Variants in PTPRR observed in about 807,000 individuals in gnomAD.
PTPRR encodes the protein receptor-type tyrosine-protein phosphatase R.
In PTPRR, 38 loss-of-function variants were observed where a neutral mutation model predicts 77.2. The observed-to-expected ratio is 0.49, with a 90% CI of 0.38 to 0.65. The LOEUF is 0.65. Ranked by LOEUF, PTPRR falls within the 30% of genes least tolerant of loss-of-function variation. The pLI is 0.00. For missense variants in PTPRR, 744 were observed against 799.2 expected (o/e 0.93, Z 0.83); for synonymous variants, 299 against 283.1 (o/e 1.06, Z -0.57).
chr12:70,753,361 A>G (rs1890463466), intron 5 of PTPRR, among the ~76,000 whole-genome samples: 1 of 152,188 alleles, frequency 6.6e-6, no homozygotes, highest in African/African-American at 2.4e-5. Flanking sequence ...ACTAAGGAAG[A>G]AGTATTTATT....
intron 2 of PTPRR, among the ~76,000 whole-genome samples, chr12:70,800,791 A>ATCCT (rs1891601121): frequency 2.6e-5 from 4 of 152,066 alleles, no homozygotes; most frequent in African/African-American, 9.6e-5. Context: ...GCTATTCAGG[A>ATCCT]GGCTGAGGCA....
chr12:70,920,375 A>C lies in PTPRR; in HGVS notation c.16T>G (p.Cys6Gly), dbSNP rs772468097. Residue 6 changes from cysteine (C) to glycine (G), a missense_variant, in exon 1 of 14, where the codon TGC (cysteine) becomes GGC (glycine). By Grantham distance (159) the Cys-to-Gly change is radical. Coordinates refer to ENST00000283228, the MANE Select transcript of PTPRR (RefSeq NM_002849.4). MRRAV[C>G]FPALCLLLNL... is the part of the protein sequence containing the mutation. Reference sequence around the variant, plus strand: ...AGGAGCAGGCACAGCGCAGGGAAGCAGACTGCTCTCCGCATAGTGTTTGCA... The same window carrying C: ...AGGAGCAGGCACAGCGCAGGGAAGCCGACTGCTCTCCGCATAGTGTTTGCA... The C allele has an allele frequency of 9.3e-6, 15 of 1,613,756 alleles. No individual in the cohort carries two copies. Among genetic ancestry groups the C allele is most frequent in the Non-Finnish European group, 1.3e-5 (15 of 1,179,904 alleles).
intron 1 of PTPRR, among the ~76,000 whole-genome samples, chr12:70,895,039 C>T (rs1011154750): frequency 2.0e-5 from 3 of 151,560 alleles, no homozygotes; most frequent in Non-Finnish European, 4.4e-5. Context: ...TGGAATAAAG[C>T]ACTTGGGCTA....
At position 70,684,229 on chromosome 12, in the gene PTPRR, C is replaced by T. The variant is rs565130853; in HGVS notation, c.1395G>A (p.Thr465=). The change falls in exon 10 of 14, where the codon ACG becomes ACA. Residue 465 remains threonine, a synonymous_variant. Transcript: ENST00000283228. The part of the protein sequence containing the change: ...YSGKEKAFIA[T]QGPMINTVDD... ...CCACGGTGTTGATCATGGGGCCCTG[C>T]GTGGCAATGAAGGCTTTCTCCTTGC... The T allele has an allele frequency of 1.7e-5, 28 of 1,613,810 alleles. No homozygotes were observed. The highest frequency in any genetic ancestry group is 1.6e-4 in the African/African-American group (12 of 74,998).
At chr12:70,727,372 A>G (rs74101572) in intron 6 of PTPRR, among the ~76,000 whole-genome samples, 2,269 of 152,296 alleles carry the variant, frequency 0.015, 55 homozygotes, top group African/African-American at 0.052. Flanking sequence ...GACCTTAATT[A>G]TAAAGATAAG....
chr12:70,824,867 A>G (rs1892082218), intron 2 of PTPRR, among the ~76,000 whole-genome samples: 1 of 152,252 alleles, frequency 6.6e-6, no homozygotes, highest in Admixed American at 6.5e-5. Flanking sequence ...ATTAACAATC[A>G]TGAACATCTT....
At chr12:70,719,035 A>G (rs1216008495) in intron 6 of PTPRR, among the ~76,000 whole-genome samples, 3 of 152,212 alleles carry the variant, frequency 2.0e-5, no homozygotes, top group East Asian at 1.9e-4. Flanking sequence ...GATAGAGTTC[A>G]TTTACTGAAT....
intron 6 of PTPRR, among the ~76,000 whole-genome samples, chr12:70,725,856 T>C (rs1407167024): frequency 2.0e-5 from 3 of 152,180 alleles, no homozygotes; most frequent in African/African-American, 7.2e-5. Context: ...ATTTCTAGAC[T>C]CTGTCAAATT....
At chr12:70,742,314 A>G (rs957774016) in intron 6 of PTPRR, among the ~76,000 whole-genome samples, 1 of 152,240 alleles carries the variant, frequency 6.6e-6, no homozygotes, top group East Asian at 1.9e-4. Context: ...GTTGAGTTAC[A>G]GAAAAATAAA....
chr12:70,819,151 T>C (rs1033828788), intron 2 of PTPRR, among the ~76,000 whole-genome samples: 4 of 152,066 alleles, frequency 2.6e-5, no homozygotes, highest in African/African-American at 4.8e-5. Flanking sequence ...TGAAACCCCA[T>C]CTCTACTAAA....
intron 2 of PTPRR, among the ~76,000 whole-genome samples, chr12:70,868,087 G>C (rs1314187639): frequency 6.6e-6 from 1 of 152,086 alleles, no homozygotes; most frequent in Non-Finnish European, 1.5e-5. Context: ...AAAAACCCTA[G>C]ACGAAAACCT....
At chr12:70,680,084 C>T (rs1316419405) in intron 10 of PTPRR, among the ~76,000 whole-genome samples, 2 of 152,016 alleles carry the variant, frequency 1.3e-5, no homozygotes, top group African/African-American at 4.8e-5. Context: ...TATTCTGGGG[C>T]TTATGTAAAA....
intron 6 of PTPRR, among the ~76,000 whole-genome samples, chr12:70,730,323 C>T (rs1889608499): frequency 6.6e-6 from 1 of 151,906 alleles, no homozygotes; most frequent in Non-Finnish European, 1.5e-5. Context: ...CCTGCCTGGC[C>T]AACATGGTGA....
At chr12:70,829,228 G>GAGGA (rs901366759) in intron 2 of PTPRR, among the ~76,000 whole-genome samples, 3 of 149,328 alleles carry the variant, frequency 2.0e-5, no homozygotes, top group Admixed American at 6.7e-5. Context: ...AAGAAGGAAA[G>GAGGA]AGGAAGGAAG....
chr12:70,678,347 G>T (rs544240637), intron 10 of PTPRR, among the ~76,000 whole-genome samples: 54 of 152,204 alleles, frequency 3.5e-4, no homozygotes, highest in African/African-American at 1.3e-3. Context: ...GGCCAGGATA[G>T]GTTCTGTTAC....
chr12:70,684,784 C>G lies in PTPRR; in HGVS notation c.1280-1G>C. 1 of 1,587,880 alleles carries G rather than the reference C, an allele frequency of 6.3e-7. No homozygotes were observed. Among genetic ancestry groups the G allele is most frequent in the Non-Finnish European group, 8.6e-7 (1 of 1,166,700 alleles). On this transcript the variant is annotated splice_acceptor_variant, in intron 8 of 13. Coordinates refer to ENST00000283228, the MANE Select transcript of PTPRR (RefSeq NM_002849.4). LOFTEE classifies it high-confidence loss of function. ...CTTAAACACACTCTGCTGAGGGGAT[C>G]TAATGAAGAAAACAAAAAAGAATAT...
At chr12:70,911,750 G>GGAAA (rs1893703058) in intron 1 of PTPRR, among the ~76,000 whole-genome samples, 1 of 105,824 alleles carries the variant, frequency 9.4e-6, no homozygotes, top group African/African-American at 3.5e-5. Context: ...AGGCTCAACT[G>GGAAA]AAAAAAAAAA....
In PTPRR at chr12:70,662,611, G is replaced by A; in HGVS notation, c.1498-6C>T. On this transcript the variant is annotated splice_region_variant and splice_polypyrimidine_tract_variant and intron_variant, in intron 10 of 13. Coordinates refer to ENST00000283228, the MANE Select transcript of PTPRR (RefSeq NM_002849.4). ...GGCCAGTATAGCACACATTTCTGGAGGAAGGGAAAGAGAATACAGCAAATA... is the reference window on the plus strand; with the variant it reads ...GGCCAGTATAGCACACATTTCTGGAAGAAGGGAAAGAGAATACAGCAAATA... 1.3e-6 allele frequency: 2 copies of A among 1,554,004 alleles called. No homozygotes were observed. The highest frequency in any genetic ancestry group is 1.8e-6 in the Non-Finnish European group (2 of 1,129,980).
intron 6 of PTPRR, among the ~76,000 whole-genome samples, chr12:70,736,343 C>A (rs531929136): frequency 6.6e-6 from 1 of 152,130 alleles, no homozygotes; most frequent in East Asian, 1.9e-4. Context: ...AACAGTGTGA[C>A]GCTCCATAAT....
Sources: allele counts gnomAD v4.1 joint callset (sites outside exome capture counted in the v4.1 genomes callset), GRCh38; gene constraint gnomAD v4.1.1; transcripts MANE v1.5; gene names NCBI Gene and HGNC (gene_info 2026-07-23, HGNC 2026-07-21).